EXOSC7: variants seen among roughly 807,000 people sequenced by gnomAD.
EXOSC7 encodes the protein exosome complex component RRP42.
EXOSC7 carries 25 observed loss-of-function variants against 34.3 expected under a neutral mutation model. The observed-to-expected ratio is 0.73, with a 90% CI of 0.53 to 1.02. The LOEUF (loss-of-function observed/expected upper bound fraction) is 1.02. Ranked by LOEUF, EXOSC7 falls within the 50% of genes least tolerant of loss-of-function variation. The probability of loss-of-function intolerance (pLI) is 0.00; values close to 1 mark genes in which losing one functional copy is unlikely to be tolerated. For missense variants in EXOSC7, 370 were observed against 368.5 expected, an observed-to-expected ratio of 1.00 and a Z score of -0.03; for synonymous variants, 130 against 143.0, an observed-to-expected ratio of 0.91 and a Z score of 0.65.
chr3:44,990,225 T>C (rs1706532349), intron 3 of EXOSC7, among the ~76,000 whole-genome samples: 1 of 152,198 alleles, frequency 6.6e-6, no homozygotes, highest in African/African-American at 2.4e-5. Flanking sequence ...AGTCTCACTG[T>C]GGCCAAATTT....
Position 45,001,766 on chromosome 3 carries a change from A to AT in EXOSC7, c.491+159dup, listed in dbSNP as rs1456074846. 19 of 601,508 alleles carry AT rather than the reference A, an allele frequency of 3.2e-5. No homozygotes were observed. The African/African-American group carries it at 3.3e-4, about 11-fold the overall frequency. The allele number at this position is 601,508 out of a possible 1,614,324, so 37.3% of individuals were successfully genotyped here. ...CATCTAACGTTAAACTCCAGAAAAGATAGATTTCGTGAATTAAAACTACAT... is the reference window on the plus strand; with the variant it reads ...CATCTAACGTTAAACTCCAGAAAAGATTAGATTTCGTGAATTAAAACTACAT... On this transcript the variant is annotated intron_variant, in intron 5 of 7. Transcript: ENST00000265564.
Position 44,997,217 on chromosome 3 carries a change from C to G in EXOSC7, c.385C>G (p.Arg129Gly). 6.2e-7 allele frequency: 1 copy of G among 1,613,876 alleles called. No homozygotes were observed. Among genetic ancestry groups the G allele is most frequent in the Non-Finnish European group, 8.5e-7 (1 of 1,179,946 alleles). Residue 129 changes from arginine (R) to glycine (G), a missense_variant, in exon 4 of 8, where the codon CGG becomes GGG. This residue lies in a region of EXOSC7 where 255 missense variants were observed against 246.4 expected (regional missense o/e 1.03). Coordinates refer to ENST00000265564, the MANE Select transcript of EXOSC7 (RefSeq NM_015004.4). Reference protein sequence around the residue: ...VDLKTLCISPREHCWVLYVDV... With the variant: ...VDLKTLCISPGEHCWVLYVDV... ...CTTAAAGACCCTCTGCATTAGTCCT[C>G]GGGAGCACTGCTGGGTTCTCTATGT...
chr3:44,996,112 G>A (rs1028343954), intron 3 of EXOSC7, among the ~76,000 whole-genome samples: 2 of 152,186 alleles, frequency 1.3e-5, no homozygotes, highest in Non-Finnish European at 2.9e-5. Context: ...CTAGGTCTCT[G>A]GTAGCTGGTG....
At chr3:44,990,426 T>C (rs1263388692) in intron 3 of EXOSC7, among the ~76,000 whole-genome samples, 2 of 152,172 alleles carry the variant, frequency 1.3e-5, no homozygotes, top group South Asian at 2.1e-4. Flanking sequence ...ATTTGGTTGC[T>C]GGCCAGGTCC....
intron 1 of EXOSC7, among the ~76,000 whole-genome samples, chr3:44,983,641 T>C (rs871085): frequency 0.47 from 72,090 of 151,976 alleles, 17,718 homozygotes; most frequent in East Asian, 0.84. Flanking sequence ...ATCAGTCTCC[T>C]CTGCTGAGAA....
At chr3:44,982,718 C>T (rs962737611) in intron 1 of EXOSC7, among the ~76,000 whole-genome samples, 30 of 152,192 alleles carry the variant, frequency 2.0e-4, no homozygotes, top group African/African-American at 6.8e-4. Flanking sequence ...GAATTGGAGC[C>T]AGCCCTCAGG....
At chr3:44,978,487 A>G (rs1022309741) in intron 1 of EXOSC7, among the ~76,000 whole-genome samples, 2 of 152,238 alleles carry the variant, frequency 1.3e-5, no homozygotes, top group African/African-American at 4.8e-5. Context: ...ACCTGTCCTT[A>G]TATAGCTCTC....
At position 45,009,524 on chromosome 3, in the gene EXOSC7, C is replaced by A. The variant is rs577558447; in HGVS notation, c.772-1711C>A. Among the ~76,000 whole-genome samples, 7 of 151,296 alleles carry A rather than the reference C, an allele frequency of 4.6e-5. No individual in the cohort carries two copies. In the East Asian group the frequency reaches 1.2e-3, roughly 25 times the overall value. On this transcript the variant is annotated intron_variant, in intron 7 of 7. Coordinates refer to ENST00000265564, the MANE Select transcript of EXOSC7 (RefSeq NM_015004.4). Reference sequence around the variant, plus strand: ...CAGATTCAGACTTTTTTTTCTTTTTCTAATGTTATGGGAAAATCTTTCCAA... The same window carrying A: ...CAGATTCAGACTTTTTTTTCTTTTTATAATGTTATGGGAAAATCTTTCCAA...
intron 1 of EXOSC7, among the ~76,000 whole-genome samples, chr3:44,986,605 G>A (rs1344834990): frequency 6.6e-6 from 1 of 152,264 alleles, no homozygotes; most frequent in Non-Finnish European, 1.5e-5. Flanking sequence ...CCCAGGCAGA[G>A]GAGGTGCCGA....
intron 3 of EXOSC7, among the ~76,000 whole-genome samples, chr3:44,991,034 A>G (rs982401828): frequency 1.3e-5 from 2 of 152,216 alleles, no homozygotes; most frequent in African/African-American, 4.8e-5. Flanking sequence ...AGAAATGACA[A>G]ATGAGTTCAG....
At chr3:44,987,531 G>A (rs1365726151) in intron 1 of EXOSC7, among the ~76,000 whole-genome samples, 2 of 152,206 alleles carry the variant, frequency 1.3e-5, no homozygotes, top group African/African-American at 4.8e-5. Flanking sequence ...GTGCCACACT[G>A]CACTCCAGCC....
At chr3:44,981,624 A>G (rs1004344614) in intron 1 of EXOSC7, among the ~76,000 whole-genome samples, 1 of 151,868 alleles carries the variant, frequency 6.6e-6, no homozygotes. Context: ...AATTATCTCA[A>G]GAAAAGGGAT....
intron 1 of EXOSC7, among the ~76,000 whole-genome samples, chr3:44,979,494 A>T (rs1706217190): frequency 6.6e-6 from 1 of 152,206 alleles, no homozygotes; most frequent in Non-Finnish European, 1.5e-5. Context: ...TTGAGGATTC[A>T]GTTGCTAGTA....
At chr3:44,979,790 A>G (rs1575998671) in intron 1 of EXOSC7, among the ~76,000 whole-genome samples, 2 of 152,174 alleles carry the variant, frequency 1.3e-5, no homozygotes, top group Admixed American at 1.3e-4. Context: ...GATGGACAGA[A>G]TAATTAGGCT....
intron 1 of EXOSC7, among the ~76,000 whole-genome samples, chr3:44,980,614 A>G (rs1009961838): frequency 1.2e-4 from 18 of 152,212 alleles, no homozygotes; most frequent in African/African-American, 4.1e-4. Flanking sequence ...CCATTTCCTC[A>G]GTAGGGATCC....
intron 7 of EXOSC7, among the ~76,000 whole-genome samples, chr3:45,009,623 A>G (rs1707151179): frequency 6.6e-6 from 1 of 151,062 alleles, no homozygotes; most frequent in African/African-American, 2.4e-5. Flanking sequence ...ATCTCAGCTC[A>G]CTGCAACCTC....
intron 1 of EXOSC7, among the ~76,000 whole-genome samples, chr3:44,986,664 A>G (rs1706426898): frequency 1.3e-5 from 2 of 152,216 alleles, no homozygotes; most frequent in Non-Finnish European, 2.9e-5. Flanking sequence ...ACCTCTCAAT[A>G]TCTTCCAGGG....
chr3:45,011,038 C>T (rs1030840348), intron 7 of EXOSC7, among the ~76,000 whole-genome samples, 197 bp from the exon 8 acceptor site: 11 of 152,026 alleles, frequency 7.2e-5, no homozygotes, highest in South Asian at 2.1e-4. Flanking sequence ...TTTGATATGA[C>T]GATTTTTACA....
chr3:44,991,655 C>T (rs1010731678), intron 3 of EXOSC7, among the ~76,000 whole-genome samples: 11 of 152,122 alleles, frequency 7.2e-5, no homozygotes, highest in African/African-American at 2.7e-4. Context: ...TGCTCTTATC[C>T]CTTTCTTGTC....
Sources: allele counts gnomAD v4.1 joint callset (sites outside exome capture counted in the v4.1 genomes callset), GRCh38; gene constraint gnomAD v4.1.1; regional missense constraint gnomAD v4.1.1; transcripts MANE v1.5; gene names NCBI Gene and HGNC (gene_info 2026-07-23, HGNC 2026-07-21).